Variants in N4BP1 observed in about 807,000 individuals in gnomAD.
N4BP1 encodes NEDD4 binding protein 1.
N4BP1 carries 21 observed loss-of-function variants against 70.9 expected under a neutral mutation model. That is an observed-to-expected ratio of 0.30 (90% CI 0.21 to 0.43). The LOEUF is 0.43. Ranked by LOEUF, N4BP1 falls within the 20% of genes least tolerant of loss-of-function variation. N4BP1 has a pLI of 1.00. For missense variants in N4BP1, 936 were observed against 1,069.4 expected, an observed-to-expected ratio of 0.88 and a Z score of 1.74; for synonymous variants, 387 against 394.6, an observed-to-expected ratio of 0.98 and a Z score of 0.23.
chr16:48,564,867 C>A (rs1040450860), intron 1 of N4BP1, among the ~76,000 whole-genome samples: 1 of 152,198 alleles, frequency 6.6e-6, no homozygotes, highest in Non-Finnish European at 1.5e-5. Context: ...TTTGAGAATA[C>A]AAATCCTGTA....
intron 1 of N4BP1, among the ~76,000 whole-genome samples, chr16:48,570,209 T>A (rs571263458): frequency 2.0e-5 from 3 of 152,300 alleles, no homozygotes; most frequent in East Asian, 1.9e-4. Flanking sequence ...TCCTTTTCTG[T>A]CCCTTGGGCT....
At chr16:48,607,808 G>T (rs924367965) in intron 1 of N4BP1, among the ~76,000 whole-genome samples, 4 of 152,206 alleles carry the variant, frequency 2.6e-5, no homozygotes, top group African/African-American at 4.8e-5. Context: ...GACTAAAAAA[G>T]TTAAGCCCAG....
At chr16:48,587,629 A>C (rs1342888557) in intron 1 of N4BP1, among the ~76,000 whole-genome samples, 3 of 152,352 alleles carry the variant, frequency 2.0e-5, no homozygotes, top group Admixed American at 2.0e-4. Flanking sequence ...AGCTGCTTGC[A>C]TAAGATCATT....
intron 1 of N4BP1, 112 bp from the exon 2 acceptor site, chr16:48,562,556 GTTTGTAA>G: frequency 1.1e-6 from 1 of 880,378 alleles, no homozygotes; most frequent in Non-Finnish European, 1.6e-6. Context: ...TCACAAGCAT[GTTTGTAA>G]TTTTGAACAA....
intron 2 of N4BP1, among the ~76,000 whole-genome samples, chr16:48,558,699 A>T (rs1963795351): frequency 6.6e-6 from 1 of 152,218 alleles, no homozygotes; most frequent in African/African-American, 2.4e-5. Context: ...TTGTGTCACG[A>T]GTTGGCTCAA....
Position 48,542,080 on chromosome 16 carries a change from G to C in N4BP1, c.*824C>G, listed in dbSNP as rs1455838609. On this transcript the variant is annotated 3_prime_UTR_variant, in exon 7 of 7. Coordinates refer to ENST00000262384, the MANE Select transcript of N4BP1 (RefSeq NM_153029.4). The stretch of plus-strand genomic sequence containing the variant: ...AGACGTGACTTCCAGAGCCAGGCCA[G>C]GCATGTGGAGGCCCCTGACTGTGGG... The C allele has an allele frequency of 6.6e-6, 1 of 152,530 alleles. No homozygotes were observed. The highest frequency in any genetic ancestry group is 6.5e-5 in the Admixed American group (1 of 15,286). 9.4% of individuals were successfully genotyped at this position (152,530 alleles called of 1,614,324 possible).
chr16:48,542,721 T>C lies in N4BP1; in HGVS notation c.*183A>G. The C allele has an allele frequency of 2.0e-6, 1 of 493,008 alleles. No individual in the cohort carries two copies. The highest frequency in any genetic ancestry group is 3.5e-6 in the Non-Finnish European group (1 of 282,854). The allele number at this position is 493,008 out of a possible 1,614,324, so 30.5% of individuals were successfully genotyped here. A position where few individuals can be genotyped will look rare whatever the true frequency, so the allele number is the denominator to read the frequency against. ...TTAAATCTGTAATAGCAGCATAATT[T>C]ATATATAGAAAAAAGCTGGTTTTGA... On this transcript the variant is annotated 3_prime_UTR_variant, in exon 7 of 7. Coordinates refer to ENST00000262384, the MANE Select transcript of N4BP1 (RefSeq NM_153029.4).
chr16:48,564,004 G>A (rs11076570), intron 1 of N4BP1, among the ~76,000 whole-genome samples: 54,832 of 151,996 alleles, frequency 0.36, 10,126 homozygotes, highest in African/African-American at 0.42. Flanking sequence ...ATTCTCCCCA[G>A]GGAGCTGTAA....
chr16:48,602,597 C>T (rs1321288431), intron 1 of N4BP1, among the ~76,000 whole-genome samples: 2 of 152,042 alleles, frequency 1.3e-5, no homozygotes, highest in Non-Finnish European at 1.5e-5. Context: ...ATGATTTTCA[C>T]AACCATAGTG....
chr16:48,576,328 T>C (rs1477321653), intron 1 of N4BP1, among the ~76,000 whole-genome samples: 1 of 152,202 alleles, frequency 6.6e-6, no homozygotes, highest in Admixed American at 6.5e-5. Context: ...CTGTTCCATC[T>C]TTTTCTTTAA....
At chr16:48,588,599 T>C (rs996894896) in intron 1 of N4BP1, among the ~76,000 whole-genome samples, 2 of 152,262 alleles carry the variant, frequency 1.3e-5, no homozygotes, top group Non-Finnish European at 2.9e-5. Context: ...CCAGCCTCAA[T>C]ATCACACTAT....
chr16:48,562,577 G>T, intron 1 of N4BP1, 133 bp from the exon 2 acceptor site: 1 of 763,090 alleles, frequency 1.3e-6, no homozygotes, highest in Non-Finnish European at 2.0e-6. Flanking sequence ...TGAACAAAAT[G>T]TCATGTTTTA....
chr16:48,562,293 A>C lies in N4BP1; in HGVS notation c.350T>G (p.Leu117Arg), dbSNP rs746036741. 1.2e-6 allele frequency: 2 copies of C among 1,613,984 alleles called. No individual in the cohort carries two copies. Among genetic ancestry groups the C allele is most frequent in the Non-Finnish European group, 1.7e-6 (2 of 1,179,880 alleles). The change falls in exon 2 of 7, where the codon CTT becomes CGT. Residue 117 changes from leucine (L) to arginine (R), a missense_variant. Leu to Arg is a moderately radical substitution (Grantham distance 102). This residue lies in a region of N4BP1 where 187 missense variants were observed against 217.1 expected (regional missense o/e 0.86). Transcript: ENST00000262384. Reference protein sequence around the residue: ...CADLCILDIGLLGIRGSAEAV... With the variant: ...CADLCILDIGRLGIRGSAEAV... ...CTCAGCACTTCCTCTGATGCCAAGA[A>C]GGCCAATGTCCAGAATGCAGAGGTC...
rs1015365277 is a variant in N4BP1 at position 48,542,190 on chromosome 16, T to C, written c.*714A>G. ...TGGCTGTGGGCATGGCCGGACGGCG[T>C]GCACACTGGGCCGTCCCCTTTTGCG... On this transcript the variant is annotated 3_prime_UTR_variant, in exon 7 of 7. Coordinates refer to ENST00000262384, the MANE Select transcript of N4BP1 (RefSeq NM_153029.4). The C allele has an allele frequency of 1.5e-4, 23 of 152,218 alleles. No homozygotes were observed. Among genetic ancestry groups the C allele is most frequent in the African/African-American group, 5.3e-4 (22 of 41,426 alleles). 9.4% of individuals were successfully genotyped at this position (152,218 alleles called of 1,614,324 possible). A position where few individuals can be genotyped will look rare whatever the true frequency, so the allele number is the denominator to read the frequency against.
chr16:48,558,559 C>T (rs1567430152), intron 2 of N4BP1, among the ~76,000 whole-genome samples: 2 of 152,152 alleles, frequency 1.3e-5, no homozygotes, highest in Non-Finnish European at 2.9e-5. Context: ...TTAACTACCC[C>T]AAAAGGTTTA....
chr16:48,544,926 T>C (rs1444979214), intron 6 of N4BP1, among the ~76,000 whole-genome samples: 1 of 152,166 alleles, frequency 6.6e-6, no homozygotes, highest in African/African-American at 2.4e-5. Flanking sequence ...CTAAGTAGTA[T>C]TCGCCAGTAA....
chr16:48,544,648 A>G (rs1963564181), intron 6 of N4BP1, among the ~76,000 whole-genome samples: 1 of 152,262 alleles, frequency 6.6e-6, no homozygotes, highest in African/African-American at 2.4e-5. Flanking sequence ...AAAACAAAAC[A>G]AACCCCAACT....
At chr16:48,609,048 C>CAA (rs746386089) in intron 1 of N4BP1, among the ~76,000 whole-genome samples, 21 of 121,800 alleles carry the variant, frequency 1.7e-4, no homozygotes, top group African/African-American at 3.2e-4. Flanking sequence ...AATCCCCTAC[C>CAA]AAAAAAAAAA....
chr16:48,560,884 C>G lies in N4BP1; in HGVS notation c.1759G>C (p.Asp587His), dbSNP rs1205224472. The change falls in exon 2 of 7, where the codon GAT becomes CAT. Residue 587 changes from aspartate to histidine, a missense_variant. By Grantham distance (81) the Asp-to-His change is moderately conservative. This residue lies in a region of N4BP1 where 515 missense variants were observed against 491.7 expected (regional missense o/e 1.05). Transcript: ENST00000262384. ...CTTTGAACCCCAGTAACTGAGGAAT[C>G]AATATGATCAGAAGGTCCTGCCGAC... Reference protein sequence around the residue: ...ARSAGPSDHIDSSVTGVQRFR... With the variant: ...ARSAGPSDHIHSSVTGVQRFR... 6.2e-7 allele frequency: 1 copy of G among 1,613,764 alleles called. No homozygotes were observed. The highest frequency in any genetic ancestry group is 8.5e-7 in the Non-Finnish European group (1 of 1,179,870).
Sources: allele counts gnomAD v4.1 joint callset (sites outside exome capture counted in the v4.1 genomes callset), GRCh38; gene constraint gnomAD v4.1.1; regional missense constraint gnomAD v4.1.1; transcripts MANE v1.5; gene names NCBI Gene and HGNC (gene_info 2026-07-23, HGNC 2026-07-21).